The following INSL6 variants were observed in gnomAD, a reference collection of about 807,000 sequenced individuals.
INSL6 encodes the protein insulin-like peptide INSL6.
A neutral mutation model predicts 9.4 loss-of-function variants in INSL6; 16 were observed. The ratio of observed to expected loss-of-function variants is 1.70; its 90% CI spans 1.15 to 2.59. INSL6 has a LOEUF of 2.59. INSL6 is among the 30% of genes most tolerant of loss of function. The probability of loss-of-function intolerance (pLI) is 0.00; values close to 1 mark genes in which losing one functional copy is unlikely to be tolerated. For missense variants in INSL6, 391 were observed against 257.3 expected, an observed-to-expected ratio of 1.52 and a Z score of -3.56; for synonymous variants, 154 against 96.9, an observed-to-expected ratio of 1.59 and a Z score of -3.46.
chr9:5,086,285 G>A, the INSL6 span, among the ~76,000 whole-genome samples: 2 of 152,154 alleles, frequency 1.3e-5, no homozygotes, highest in East Asian at 1.9e-4. Flanking sequence ...CTCCTGCCAG[G>A]ACCTGGAGCC....
chr9:5,038,051 C>A, the INSL6 span, among the ~76,000 whole-genome samples: 3 of 152,090 alleles, frequency 2.0e-5, no homozygotes, highest in African/African-American at 7.2e-5. Context: ...TACAACTATT[C>A]ATTATTCTTA....
At chr9:5,147,493 T>G (rs534129210) in intron 2 of INSL6, among the ~76,000 whole-genome samples, 1 of 152,196 alleles carries the variant, frequency 6.6e-6, no homozygotes, top group South Asian at 2.1e-4. Flanking sequence ...GCTTGATAGC[T>G]CTGGCAGGGA....
At chr9:5,091,780 A>C in the INSL6 span, among the ~76,000 whole-genome samples, 1 of 152,110 alleles carries the variant, frequency 6.6e-6, no homozygotes, top group Non-Finnish European at 1.5e-5. Flanking sequence ...TGAATGGTGA[A>C]TTGTAGCTGA....
chr9:5,116,909 C>T, the INSL6 span, among the ~76,000 whole-genome samples: 1 of 152,172 alleles, frequency 6.6e-6, no homozygotes, highest in Non-Finnish European at 1.5e-5. Context: ...ACTGGGAAAA[C>T]ATAACAGTAC....
the INSL6 span, among the ~76,000 whole-genome samples, chr9:5,048,018 T>C: frequency 6.6e-6 from 1 of 152,226 alleles, no homozygotes; most frequent in Non-Finnish European, 1.5e-5. Context: ...AACTTTTCTC[T>C]AGTGAATAGT....
At chr9:5,022,725 A>G in the INSL6 span, among the ~76,000 whole-genome samples, 5 of 152,152 alleles carry the variant, frequency 3.3e-5, no homozygotes, top group Non-Finnish European at 5.9e-5. Context: ...TATATTATCT[A>G]TGGACCAAAA....
At chr9:5,095,856 A>G in the INSL6 span, among the ~76,000 whole-genome samples, 1 of 152,308 alleles carries the variant, frequency 6.6e-6, no homozygotes, top group Admixed American at 6.5e-5. Context: ...ACCTTATTTT[A>G]ACAACTACCA....
At chr9:5,074,627 C>G in the INSL6 span, among the ~76,000 whole-genome samples, 27 of 152,182 alleles carry the variant, frequency 1.8e-4, no homozygotes, top group Non-Finnish European at 1.2e-4. Context: ...CTGTCTCTCT[C>G]CCTCTCCTGG....
the INSL6 span, chr9:5,112,830 A>G: frequency 1.8e-6 from 1 of 555,072 alleles, no homozygotes; most frequent in Non-Finnish European, 2.9e-6. Flanking sequence ...GAAGCCCACA[A>G]CCCCGCTGGG....
At chr9:5,030,364 T>C in the INSL6 span, among the ~76,000 whole-genome samples, 8 of 152,176 alleles carry the variant, frequency 5.3e-5, no homozygotes, top group Non-Finnish European at 8.8e-5. Flanking sequence ...ATATAATTTA[T>C]GGTAATGTGT....
chr9:5,069,010 A>G, the INSL6 span: 43 of 1,492,726 alleles, frequency 2.9e-5, no homozygotes, highest in Non-Finnish European at 3.8e-5. Context: ...CTTTATAATT[A>G]AACTTATACA....
At chr9:5,160,275 T>C (rs1824899534), downstream of INSL6, among the ~76,000 whole-genome samples, 2 of 149,530 alleles carry the variant, frequency 1.3e-5, no homozygotes, top group African/African-American at 4.9e-5. Context: ...ACAATAAAAC[T>C]AGAAAGCAAA....
the INSL6 span, chr9:5,065,084 G>A: frequency 2.3e-6 from 3 of 1,292,784 alleles, no homozygotes; most frequent in Non-Finnish European, 3.1e-6. Context: ...AAAAGTAAAT[G>A]CTGTATTTAC....
chr9:5,100,229 A>G, the INSL6 span: 2 of 152,198 alleles, frequency 1.3e-5, no homozygotes, highest in Non-Finnish European at 2.9e-5. Context: ...CTATATGACA[A>G]CACATAATGA....
chr9:5,047,861 A>G, the INSL6 span, among the ~76,000 whole-genome samples: 1 of 152,096 alleles, frequency 6.6e-6, no homozygotes, highest in African/African-American at 2.4e-5. Flanking sequence ...TCAGCCTCCC[A>G]AAGTGCTGGG....
the INSL6 span, among the ~76,000 whole-genome samples, chr9:5,012,769 A>G: frequency 1.3e-5 from 2 of 152,208 alleles, no homozygotes; most frequent in Admixed American, 1.3e-4. Context: ...AGTAGTGGAA[A>G]GAGCACATAG....
chr9:5,145,619 A>C (rs543269667), intron 2 of INSL6, among the ~76,000 whole-genome samples: 1 of 152,216 alleles, frequency 6.6e-6, no homozygotes, highest in South Asian at 2.1e-4. Flanking sequence ...GGGTCTCTTT[A>C]CACAATCCCA....
chr9:5,147,992 T>C (rs1824635166), intron 2 of INSL6, among the ~76,000 whole-genome samples: 1 of 152,216 alleles, frequency 6.6e-6, no homozygotes, highest in South Asian at 2.1e-4. Flanking sequence ...TTCTCAATCT[T>C]GATGAGCTTC....
chr9:5,050,110 C>T, the INSL6 span, among the ~76,000 whole-genome samples: 5 of 152,030 alleles, frequency 3.3e-5, no homozygotes, highest in South Asian at 2.1e-4. Context: ...GTAATATCTA[C>T]TTTAATTTAG....
Sources: allele counts gnomAD v4.1 joint callset (sites outside exome capture counted in the v4.1 genomes callset), GRCh38; gene constraint gnomAD v4.1.1; transcripts MANE v1.5; gene names NCBI Gene and HGNC (gene_info 2026-07-23, HGNC 2026-07-21).